FHIP1A: variants seen among roughly 807,000 people sequenced by gnomAD.
The protein encoded by FHIP1A is FHF complex subunit HOOK-interacting protein 1A.
FHIP1A carries 61 observed loss-of-function variants against 88.6 expected under a neutral mutation model. That is an observed-to-expected ratio of 0.69 (90% CI 0.56 to 0.85). The LOEUF (loss-of-function observed/expected upper bound fraction) is 0.85. FHIP1A is among the 40% of genes least tolerant of loss of function. The pLI, the probability that FHIP1A is intolerant of heterozygous loss-of-function variation, is 0.00. For synonymous variants in FHIP1A, 478 were observed against 496.0 expected, an observed-to-expected ratio of 0.96 and a Z score of 0.48; for missense variants, 1,154 against 1,273.5, an observed-to-expected ratio of 0.91 and a Z score of 1.43.
In FHIP1A at chr4:151,431,753, T is replaced by C. The variant is rs1043562026; in HGVS notation, c.-356+22288T>C. Among the ~76,000 whole-genome samples the C allele has an allele frequency of 2.0e-5, 3 of 152,238 alleles. No homozygotes were observed. In the South Asian group the frequency reaches 6.2e-4, roughly 31 times the overall value. On this transcript the variant is annotated intron_variant, in intron 1 of 13. Transcript: ENST00000435205. ...ATGACCCATTCAAGTTCAAGCAAAA[T>C]GTATTGAAATATTCTGACATGAGTT... is the stretch of plus-strand genomic sequence containing the variant.
intron 3 of FHIP1A, among the ~76,000 whole-genome samples, chr4:151,522,730 C>T (rs979658335): frequency 2.0e-5 from 3 of 152,192 alleles, no homozygotes; most frequent in Admixed American, 1.3e-4. Flanking sequence ...CTTTTGATAA[C>T]GTGTTGCTTG....
intron 7 of FHIP1A, among the ~76,000 whole-genome samples, chr4:151,613,126 G>C (rs1221425258): frequency 4.6e-5 from 7 of 152,196 alleles, no homozygotes; most frequent in Admixed American, 4.6e-4. Flanking sequence ...TTTTCAACCA[G>C]TGCTTGGATT....
intron 3 of FHIP1A, among the ~76,000 whole-genome samples, chr4:151,506,007 C>T (rs1214717643): frequency 6.6e-6 from 1 of 152,198 alleles, no homozygotes; most frequent in Non-Finnish European, 1.5e-5. Flanking sequence ...ACTGGAACTT[C>T]GAACTCCTGA....
chr4:151,460,364 A>G (rs1362770195), intron 2 of FHIP1A, among the ~76,000 whole-genome samples: 2 of 152,216 alleles, frequency 1.3e-5, no homozygotes, highest in Non-Finnish European at 1.5e-5. Context: ...TATGTATTAC[A>G]TATTTCATAT....
intron 3 of FHIP1A, among the ~76,000 whole-genome samples, chr4:151,552,359 A>T (rs1732771352): frequency 6.6e-6 from 1 of 152,222 alleles, no homozygotes; most frequent in African/African-American, 2.4e-5. Flanking sequence ...TCATGCTACT[A>T]TAAAGTCACA....
chr4:151,622,058 T>G (rs1357869559), intron 7 of FHIP1A, among the ~76,000 whole-genome samples: 1 of 152,190 alleles, frequency 6.6e-6, no homozygotes, highest in Non-Finnish European at 1.5e-5. Flanking sequence ...GAGTACCTGG[T>G]GGTGCATCAG....
At chr4:151,545,369 C>CTTTTTTTTTTTTTTTTTTTTTTT (rs569126288) in intron 3 of FHIP1A, among the ~76,000 whole-genome samples, 3 of 81,652 alleles carry the variant, frequency 3.7e-5, no homozygotes, top group African/African-American at 1.5e-4. Flanking sequence ...CCTTATCCTT[C>CTTTTTTTTTTTTTTTTTTTTTTT]TTTTTTTTTT....
chr4:151,536,932 T>C (rs1292768157), intron 3 of FHIP1A, among the ~76,000 whole-genome samples: 1 of 152,146 alleles, frequency 6.6e-6, no homozygotes, highest in East Asian at 1.9e-4. Flanking sequence ...TGGAGTACAG[T>C]GGCATGAACA....
At position 151,409,453 on chromosome 4, in the gene FHIP1A, C is replaced by G. The variant is rs753382061; in HGVS notation, c.-368C>G. The stretch of plus-strand genomic sequence containing the variant: ...CCCACTGCTCGGGGAGGAGGAGCCA[C>G]GGCCGGGGACAGGTAGGTGCTGTGC... On this transcript the variant is annotated 5_prime_UTR_variant, in exon 1 of 14. Coordinates refer to ENST00000435205, the MANE Select transcript of FHIP1A (RefSeq NM_001109977.3). 2.0e-5 allele frequency: 3 copies of G among 152,724 alleles called. No homozygotes were observed. The highest frequency in any genetic ancestry group is 4.4e-5 in the Non-Finnish European group (3 of 68,512). 9.5% of individuals were successfully genotyped at this position (152,724 alleles called of 1,614,324 possible). A position where few individuals can be genotyped will look rare whatever the true frequency, so the allele number is the denominator to read the frequency against.
At chr4:151,466,087 G>A (rs945916385) in intron 2 of FHIP1A, among the ~76,000 whole-genome samples, 11 of 152,088 alleles carry the variant, frequency 7.2e-5, no homozygotes, top group African/African-American at 2.7e-4. Context: ...AGACCCCATC[G>A]TCTCAGCCCA....
chr4:151,646,905 T>C (rs1736819375), intron 10 of FHIP1A, among the ~76,000 whole-genome samples, 157 bp downstream of exon 10: 1 of 152,314 alleles, frequency 6.6e-6, no homozygotes, highest in Admixed American at 6.5e-5. Flanking sequence ...TAAGGAGTTA[T>C]GGACACGTTG....
At chr4:151,525,508 G>C (rs1731596606) in intron 3 of FHIP1A, among the ~76,000 whole-genome samples, 1 of 152,192 alleles carries the variant, frequency 6.6e-6, no homozygotes, top group Non-Finnish European at 1.5e-5. Context: ...GGAAGTATTG[G>C]GGGACAGAGA....
intron 4 of FHIP1A, among the ~76,000 whole-genome samples, chr4:151,575,599 T>C (rs1578771401): frequency 6.6e-6 from 1 of 152,154 alleles, no homozygotes; most frequent in Admixed American, 6.6e-5. Context: ...GCCAAAGGCC[T>C]TCCTTATTAA....
At chr4:151,484,892 C>T (rs148467201) in intron 3 of FHIP1A, among the ~76,000 whole-genome samples, 88 of 152,192 alleles carry the variant, frequency 5.8e-4, no homozygotes, top group South Asian at 2.1e-3. Context: ...TAATGTAATG[C>T]CAGGAATGTC....
At chr4:151,610,470 C>T (rs927947278) in intron 7 of FHIP1A, among the ~76,000 whole-genome samples, 3 of 152,158 alleles carry the variant, frequency 2.0e-5, no homozygotes, top group African/African-American at 4.8e-5. Flanking sequence ...TTGTAGAAAT[C>T]AGGTTTATTA....
chr4:151,649,948 C>T lies in FHIP1A; in HGVS notation c.1907C>T (p.Ser636Leu), dbSNP rs1465822078. The T allele has an allele frequency of 5.2e-6, 8 of 1,551,500 alleles. No homozygotes were observed. The highest frequency in any genetic ancestry group is 7.0e-6 in the Non-Finnish European group (8 of 1,146,938). The change falls in exon 11 of 14, where the codon TCG becomes TTG. Residue 636 changes from serine to leucine, a missense_variant. By Grantham distance (145) the Ser-to-Leu change is moderately radical. Coordinates refer to ENST00000435205, the MANE Select transcript of FHIP1A (RefSeq NM_001109977.3). ...TTCAAAGGGTCCTACATAGAAGAGT[C>T]GGACTTTCAGGATGATGTGATGGTG... Reference protein sequence around the residue: ...LLFKGSYIEESDFQDDVMVYR... With the variant: ...LLFKGSYIEELDFQDDVMVYR...
chr4:151,445,337 A>C (rs951736934), intron 1 of FHIP1A, among the ~76,000 whole-genome samples: 4 of 152,112 alleles, frequency 2.6e-5, no homozygotes, highest in Admixed American at 2.0e-4. Context: ...TTGTACATCA[A>C]CCAGGAAGCT....
intron 3 of FHIP1A, among the ~76,000 whole-genome samples, chr4:151,522,181 G>A (rs1485855634): frequency 6.6e-6 from 1 of 152,098 alleles, no homozygotes; most frequent in African/African-American, 2.4e-5. Context: ...GAGTAAAAAA[G>A]CCATTTATTT....
chr4:151,439,907 T>C (rs1366327666), intron 1 of FHIP1A, among the ~76,000 whole-genome samples: 1 of 152,224 alleles, frequency 6.6e-6, no homozygotes, highest in African/African-American at 2.4e-5. Flanking sequence ...GTATAATGTA[T>C]TTAGTTATTA....
Sources: gnomAD v4.1 joint callset for allele counts (sites outside exome capture counted in the v4.1 genomes callset) on GRCh38, gnomAD v4.1.1 for gene constraint, MANE v1.5 for transcripts, NCBI Gene and HGNC (gene_info 2026-07-23, HGNC 2026-07-21) for gene names.